The following LOC122539214 variants were observed in gnomAD, a reference collection of about 807,000 sequenced individuals.
the LOC122539214 span, among the ~76,000 whole-genome samples, chr19:52,678,449 C>A: frequency 8.1e-3 from 888 of 109,118 alleles, no homozygotes; most frequent in East Asian, 9.9e-3. Context: ...GACTTCATCT[C>A]AAAAAAAAAA....
At chr19:52,683,143 T>G in the LOC122539214 span, among the ~76,000 whole-genome samples, 1 of 152,230 alleles carries the variant, frequency 6.6e-6, no homozygotes, top group Non-Finnish European at 1.5e-5. Context: ...GTGCTGGCAT[T>G]ACAGGGGTGA....
At chr19:52,671,292 C>T in the LOC122539214 span, among the ~76,000 whole-genome samples, 1 of 152,116 alleles carries the variant, frequency 6.6e-6, no homozygotes, top group Non-Finnish European at 1.5e-5. Flanking sequence ...CTTTTTTTTA[C>T]AGTTCTTCCC....
the LOC122539214 span, among the ~76,000 whole-genome samples, chr19:52,684,930 C>T: frequency 6.6e-6 from 1 of 152,132 alleles, no homozygotes; most frequent in South Asian, 2.1e-4. Flanking sequence ...CTGGGGAACA[C>T]GGGAAGCCGG....
the LOC122539214 span, among the ~76,000 whole-genome samples, chr19:52,677,343 G>A: frequency 4.9e-3 from 735 of 150,528 alleles, 9 homozygotes; most frequent in African/African-American, 0.016. Context: ...AAAATTAGCC[G>A]GGTGTGGTGG....
the LOC122539214 span, among the ~76,000 whole-genome samples, chr19:52,666,923 A>G: frequency 6.6e-6 from 1 of 152,202 alleles, no homozygotes; most frequent in East Asian, 1.9e-4. Context: ...AGTTAGGAAA[A>G]TTGCCTAATA....
chr19:52,656,858 C>G, the LOC122539214 span, among the ~76,000 whole-genome samples: 1 of 82,716 alleles, frequency 1.2e-5, no homozygotes, highest in Non-Finnish European at 2.2e-5. Context: ...GAGCGAGACT[C>G]CGTCTCAAAA....
the LOC122539214 span, among the ~76,000 whole-genome samples, chr19:52,681,535 C>T: frequency 6.6e-6 from 1 of 152,110 alleles, no homozygotes; most frequent in Non-Finnish European, 1.5e-5. Flanking sequence ...AAGTGCTTCC[C>T]ATGTCTTAAG....
At chr19:52,688,624 T>C in the LOC122539214 span, among the ~76,000 whole-genome samples, 3 of 152,070 alleles carry the variant, frequency 2.0e-5, no homozygotes, top group African/African-American at 7.2e-5. Flanking sequence ...CCTTCTTCAC[T>C]CTATTCCTTC....
chr19:52,680,816 G>T, the LOC122539214 span, among the ~76,000 whole-genome samples: 15 of 149,858 alleles, frequency 1.0e-4, no homozygotes, highest in South Asian at 2.1e-4. Flanking sequence ...GTTTCACCGT[G>T]TTAGCCAGGA....
At chr19:52,655,271 AC>A in the LOC122539214 span, 1 of 320,556 alleles carries the variant, frequency 3.1e-6, no homozygotes, top group Non-Finnish European at 5.6e-6. Context: ...CTCCTGGGCC[AC>A]CCTGACAATT....
chr19:52,684,993 T>C, the LOC122539214 span, among the ~76,000 whole-genome samples: 1 of 152,220 alleles, frequency 6.6e-6, no homozygotes, highest in African/African-American at 2.4e-5. Flanking sequence ...TTGGCTGTGA[T>C]GTCCTCATAC....
chr19:52,689,891 C>A, the LOC122539214 span, among the ~76,000 whole-genome samples: 2 of 152,234 alleles, frequency 1.3e-5, no homozygotes, highest in African/African-American at 4.8e-5. Flanking sequence ...AGGCCCCGGG[C>A]ACCTCCCCAA....
At chr19:52,656,616 C>A in the LOC122539214 span, among the ~76,000 whole-genome samples, 1 of 152,012 alleles carries the variant, frequency 6.6e-6, no homozygotes, top group African/African-American at 2.4e-5. Flanking sequence ...ACCTATAATC[C>A]GAACACTTAT....
At chr19:52,687,604 T>A in the LOC122539214 span, among the ~76,000 whole-genome samples, 17 of 38,946 alleles carry the variant, frequency 4.4e-4, no homozygotes, top group African/African-American at 6.5e-3. Context: ...ATAATGTATA[T>A]ATATATAATG....
the LOC122539214 span, among the ~76,000 whole-genome samples, chr19:52,676,563 C>T: frequency 6.6e-6 from 1 of 151,882 alleles, no homozygotes; most frequent in Non-Finnish European, 1.5e-5. Context: ...GCGCCTCTGC[C>T]CGGCCGCCCC....
the LOC122539214 span, among the ~76,000 whole-genome samples, chr19:52,674,559 T>G: frequency 1.3e-5 from 2 of 152,214 alleles, no homozygotes; most frequent in Non-Finnish European, 2.9e-5. Context: ...GTGGAACTAA[T>G]AAACATTCAG....
the LOC122539214 span, among the ~76,000 whole-genome samples, chr19:52,678,706 G>A: frequency 1.3e-5 from 2 of 152,034 alleles, no homozygotes; most frequent in South Asian, 4.1e-4. Context: ...GCCAGGCATG[G>A]CTCATGCCTG....
At chr19:52,653,366 G>T in the LOC122539214 span, 6 of 1,143,412 alleles carry the variant, frequency 5.2e-6, no homozygotes, top group Admixed American at 1.8e-5. Flanking sequence ...TATGAATCAC[G>T]CTGGAAAACC....
the LOC122539214 span, chr19:52,653,001 T>G: frequency 1.5e-6 from 2 of 1,376,378 alleles, no homozygotes; most frequent in African/African-American, 1.4e-5. Flanking sequence ...CAGTATGAAC[T>G]CTCTGATGTT....
Sources: gnomAD v4.1 joint callset for allele counts (sites outside exome capture counted in the v4.1 genomes callset) on GRCh38, gnomAD v4.1.1 for gene constraint, MANE v1.5 for transcripts.